FAM13A: variants seen among roughly 807,000 people sequenced by gnomAD.
FAM13A encodes the protein family with sequence similarity 13 member A, also known as protein FAM13A.
FAM13A carries 76 observed loss-of-function variants against 129.6 expected under a neutral mutation model. The observed-to-expected ratio is 0.59, with a 90% confidence interval of 0.49 to 0.71. The LOEUF (loss-of-function observed/expected upper bound fraction) is 0.71. Ranked by LOEUF, FAM13A falls within the 30% of genes least tolerant of loss-of-function variation. FAM13A has a pLI of 0.00. For synonymous variants in FAM13A, 443 were observed against 449.9 expected, an observed-to-expected ratio of 0.98 and a Z score of 0.20; for missense variants, 1,108 against 1,249.3, an observed-to-expected ratio of 0.89 and a Z score of 1.70.
At chr4:88,978,560 C>T (rs921453986) in intron 4 of FAM13A, among the ~76,000 whole-genome samples, 2 of 152,250 alleles carry the variant, frequency 1.3e-5, no homozygotes, top group East Asian at 1.9e-4. Context: ...TTTGGGAGGC[C>T]GAGGCGGGCA....
chr4:88,889,367 C>A (rs1368309080), intron 6 of FAM13A, among the ~76,000 whole-genome samples: 1 of 152,052 alleles, frequency 6.6e-6, no homozygotes, highest in Non-Finnish European at 1.5e-5. Flanking sequence ...CATGTCTAGA[C>A]CAGATGGAGT....
In FAM13A at chr4:88,749,882, A is replaced by G; in HGVS notation, c.1968T>C (p.Tyr656=). ...MRRRSSSLGS[Y]DDEQEDLTPA... is the part of the protein sequence containing the mutation. Reference sequence around the variant, plus strand: ...GTGTCAGGTCCTCTTGCTCATCATCATAGGACCCCAGAGAGGAGCTTCGCC... The same window carrying G: ...GTGTCAGGTCCTCTTGCTCATCATCGTAGGACCCCAGAGAGGAGCTTCGCC... The change falls in exon 16 of 24, where the codon TAT becomes TAC. Residue 656 remains tyrosine (Y), a synonymous_variant. Transcript: ENST00000264344. 1 of 1,614,008 alleles carries G rather than the reference A, an allele frequency of 6.2e-7. No homozygotes were observed. Among genetic ancestry groups the G allele is most frequent in the Non-Finnish European group, 8.5e-7 (1 of 1,180,022 alleles).
intron 4 of FAM13A, among the ~76,000 whole-genome samples, chr4:88,938,734 C>T (rs1279988997): frequency 2.0e-5 from 3 of 152,138 alleles, no homozygotes; most frequent in African/African-American, 7.2e-5. Context: ...GTCTATTACA[C>T]TATTCTCTCT....
At chr4:88,876,646 C>T (rs1005000671) in intron 6 of FAM13A, among the ~76,000 whole-genome samples, 1 of 152,070 alleles carries the variant, frequency 6.6e-6, no homozygotes, top group African/African-American at 2.4e-5. Context: ...GGCTGGAGTG[C>T]AGTGGCTCAA....
chr4:88,767,480 A>G, intron 13 of FAM13A, 73 bp downstream of exon 13: 1 of 1,089,404 alleles, frequency 9.2e-7, no homozygotes, highest in Non-Finnish European at 1.3e-6. Flanking sequence ...TGGCAGACTA[A>G]TATTTCAGAA....
In FAM13A at chr4:88,806,027, ATGTTT is replaced by A. The variant is rs565836588; in HGVS notation, c.1008-980_1008-976del. On this transcript the variant is annotated intron_variant, in intron 7 of 23. Transcript: ENST00000264344. ...TATATTTTCTTTTCCTTTCTTTAGT[ATGTTT>A]TATTTTTCCTAATAAATGATCTCAA... is the stretch of plus-strand genomic sequence containing the variant. Among the ~76,000 whole-genome samples the A allele has an allele frequency of 1.8e-4, 27 of 152,218 alleles. No individual in the cohort carries two copies. In the East Asian group the frequency reaches 5.2e-3, roughly 29 times the overall value.
chr4:88,892,526 A>G (rs1745531072), intron 6 of FAM13A, among the ~76,000 whole-genome samples: 1 of 152,184 alleles, frequency 6.6e-6, no homozygotes, highest in Non-Finnish European at 1.5e-5. Flanking sequence ...ACTGACGCCA[A>G]CTACTTTCAT....
At chr4:88,750,374 G>T in intron 15 of FAM13A, 50 bp downstream of exon 15, 2 of 1,434,840 alleles carry the variant, frequency 1.4e-6, no homozygotes, top group Non-Finnish European at 2.0e-6. Context: ...CCTCTTTTCT[G>T]ATGTTGTGGG....
intron 1 of FAM13A, among the ~76,000 whole-genome samples, chr4:89,053,625 TG>T (rs1771871264): frequency 6.6e-6 from 1 of 152,098 alleles, no homozygotes; most frequent in South Asian, 2.1e-4. Context: ...CTACGAGGCC[TG>T]GGGCATTCTT....
In FAM13A at chr4:88,787,800, G is replaced by A; in HGVS notation, c.1224C>T (p.Arg408=). The A allele has an allele frequency of 1.2e-6, 2 of 1,613,610 alleles. No homozygotes were observed. The highest frequency in any genetic ancestry group is 1.7e-5 in the Admixed American group (1 of 59,982). ...CATCCTGCTCCTTGGACTGGCGGCG[G>A]CGCTGTCTGGCAGATGTGGCAGAAG... The part of the protein sequence containing the change: ...SASSATSARQ[R]RRQSKEQDEV... Residue 408 remains arginine, a synonymous_variant, in exon 10 of 24, where the codon CGC becomes CGT. Transcript: ENST00000264344.
chr4:88,894,557 T>A (rs1327480749), intron 6 of FAM13A, among the ~76,000 whole-genome samples: 3 of 152,200 alleles, frequency 2.0e-5, no homozygotes, highest in Non-Finnish European at 4.4e-5. Context: ...AGAGTCTCAC[T>A]CTGTCACTCA....
intron 3 of FAM13A, among the ~76,000 whole-genome samples, chr4:89,013,335 C>T (rs1513809): frequency 0.5 from 74,258 of 148,618 alleles, 18,989 homozygotes; most frequent in East Asian, 0.58. Context: ...AGTATATATA[C>T]ATATATATAA....
At chr4:89,007,211 T>C (rs934320424) in intron 3 of FAM13A, among the ~76,000 whole-genome samples, 2 of 152,318 alleles carry the variant, frequency 1.3e-5, no homozygotes, top group South Asian at 2.1e-4. Flanking sequence ...CTAATTTTCC[T>C]ACCCTTGAAT....
At chr4:88,899,053 C>T (rs1252295905) in intron 6 of FAM13A, among the ~76,000 whole-genome samples, 1 of 151,390 alleles carries the variant, frequency 6.6e-6, no homozygotes, top group African/African-American at 2.4e-5. Flanking sequence ...AGTAAAGAAA[C>T]TGTGGTGTGT....
In FAM13A at chr4:89,022,875, C is replaced by T. The variant is rs548580851; in HGVS notation, c.218-2206G>A. 9.2e-5 allele frequency among the ~76,000 whole-genome samples: 14 copies of T among 152,226 alleles called. No homozygotes were observed. The South Asian group carries it at 2.7e-3, about 29-fold the overall frequency. On this transcript the variant is annotated intron_variant, in intron 2 of 23. Transcript: ENST00000264344. Reference sequence around the variant, plus strand: ...TAACTGAAAACCCTCAGGTCAACAGCTCACAAGTAACAGAATCCTGCCAAC... The same window carrying T: ...TAACTGAAAACCCTCAGGTCAACAGTTCACAAGTAACAGAATCCTGCCAAC...
Position 88,728,576 on chromosome 4 carries a change from T to C in FAM13A, c.3029A>G (p.Glu1010Gly). 6.2e-7 allele frequency: 1 copy of C among 1,614,200 alleles called. No individual in the cohort carries two copies. Among genetic ancestry groups the C allele is most frequent in the Non-Finnish European group, 8.5e-7 (1 of 1,180,018 alleles). ...AGTGTCTCTCTTGCTGATGAGCACC[T>C]CCAGGAGCCTCAGTTTCGCCTTTAT... The part of the protein sequence containing the change: ...KHIKAKLRLL[E>G]VLISKRDTDS... The change falls in exon 24 of 24, where the codon GAG (glutamate) becomes GGG (glycine). Residue 1010 changes from glutamate to glycine, a missense_variant. By Grantham distance (98) the Glu-to-Gly change is moderately conservative (BLOSUM62 -2). Transcript: ENST00000264344.
chr4:88,961,346 CCTTTTTTTTTTTTTTTTT>C (rs1758574852), intron 4 of FAM13A, among the ~76,000 whole-genome samples: 1 of 89,326 alleles, frequency 1.1e-5, no homozygotes, highest in Non-Finnish European at 2.3e-5. Context: ...GTGGAATTTG[CCTTTTTTTTTTTTTTTTT>C]TTTTTTTTTT....
intron 11 of FAM13A, among the ~76,000 whole-genome samples, chr4:88,777,408 G>A (rs1721981769): frequency 6.6e-6 from 1 of 152,158 alleles, no homozygotes; most frequent in Non-Finnish European, 1.5e-5. Context: ...TAAAAGAGGA[G>A]ATAAGGTTTT....
rs773057345 is a variant in FAM13A, at chr4:88,728,549, T to A, written c.3056A>T (p.Asp1019Val). 1.2e-6 allele frequency: 2 copies of A among 1,614,198 alleles called. No individual in the cohort carries two copies. The highest frequency in any genetic ancestry group is 2.2e-5 in the South Asian group (2 of 91,080). ...CCATGCCCCTCACATGGACTTGGAA[T>A]CAGTGTCTCTCTTGCTGATGAGCAC... Reference protein sequence around the residue: ...LEVLISKRDTDSKSM With the variant: ...LEVLISKRDTVSKSM Residue 1019 changes from aspartate (D) to valine (V), a missense_variant, in exon 24 of 24, where the codon GAT becomes GTT. Physicochemically the swap from Asp to Val is radical, Grantham distance 152. Around this residue, in one of 3 missense-constraint regions of FAM13A, gnomAD observed 529 missense variants for 621.2 expected, o/e 0.85. Transcript: ENST00000264344.
Sources: allele counts gnomAD v4.1 joint callset (sites outside exome capture counted in the v4.1 genomes callset), GRCh38; gene constraint gnomAD v4.1.1; regional missense constraint gnomAD v4.1.1; transcripts MANE v1.5; gene names NCBI Gene and HGNC (gene_info 2026-07-23, HGNC 2026-07-21).